THSD4: variants seen among roughly 807,000 people sequenced by gnomAD.
THSD4 encodes thrombospondin type-1 domain-containing protein 4.
In THSD4, 69 loss-of-function variants were observed where a neutral mutation model predicts 119.0. The observed-to-expected ratio is 0.58, with a 90% CI of 0.48 to 0.71. The LOEUF (loss-of-function observed/expected upper bound fraction) is 0.71, where lower values mean the gene tolerates loss of function less well. Ranked by LOEUF, THSD4 falls within the 30% of genes least tolerant of loss-of-function variation. The pLI, the probability that THSD4 is intolerant of heterozygous loss-of-function variation, is 0.00. For synonymous variants in THSD4, 524 were observed against 540.4 expected, an observed-to-expected ratio of 0.97 and a Z score of 0.42; for missense variants, 1,393 against 1,391.1, an observed-to-expected ratio of 1.00 and a Z score of -0.02.
chr15:71,449,466 G>A (rs1329288186), intron 7 of THSD4, among the ~76,000 whole-genome samples: 1 of 152,148 alleles, frequency 6.6e-6, no homozygotes, highest in Non-Finnish European at 1.5e-5. Context: ...TAACCTCTCT[G>A]CGCCTCAGAA....
chr15:71,281,368 G>A (rs1008300689), intron 6 of THSD4, among the ~76,000 whole-genome samples: 1 of 152,212 alleles, frequency 6.6e-6, no homozygotes, highest in African/African-American at 2.4e-5. Context: ...GTAGTGTGAG[G>A]CTATGCACAG....
rs1413471394 is a variant in THSD4 at position 71,150,956 on chromosome 15, T to C, written c.30-3907T>C. The stretch of plus-strand genomic sequence containing the variant: ...CTGTGCTAGGTGCTGGGGAATAAAG[T>C]AGTGACAAAACAAACTCCCTGATCT... On this transcript the variant is annotated intron_variant, in intron 2 of 17. Coordinates refer to ENST00000261862, the MANE Select transcript of THSD4 (RefSeq NM_024817.3). Among the ~76,000 whole-genome samples the C allele has an allele frequency of 3.3e-5, 5 of 152,060 alleles. No individual in the cohort carries two copies. The East Asian group carries it at 9.6e-4, about 29-fold the overall frequency.
intron 4 of THSD4, among the ~76,000 whole-genome samples, chr15:71,223,021 T>G (rs1458186061): frequency 1.3e-5 from 2 of 152,134 alleles, no homozygotes; most frequent in Non-Finnish European, 2.9e-5. Context: ...GTTGGATAAC[T>G]CACACCACAT....
At chr15:71,258,883 G>C (rs929096636) in intron 6 of THSD4, among the ~76,000 whole-genome samples, 1 of 152,184 alleles carries the variant, frequency 6.6e-6, no homozygotes, top group Admixed American at 6.5e-5. Context: ...GGAGGCCAAG[G>C]CAGGTGGATC....
intron 7 of THSD4, among the ~76,000 whole-genome samples, chr15:71,424,064 T>C (rs1423162947): frequency 6.6e-6 from 1 of 152,182 alleles, no homozygotes; most frequent in Non-Finnish European, 1.5e-5. Context: ...AGAGGATTGG[T>C]GTCAGTGATT....
upstream of THSD4, chr15:71,112,349 A>G (rs1300029558): frequency 5.9e-6 from 6 of 1,018,856 alleles, no homozygotes; most frequent in African/African-American, 8.2e-5. Context: ...TAATTATAAT[A>G]GGACAACAGG....
At chr15:71,315,829 A>C (rs1233661469) in intron 6 of THSD4, among the ~76,000 whole-genome samples, 3 of 152,244 alleles carry the variant, frequency 2.0e-5, no homozygotes, top group Non-Finnish European at 4.4e-5. Flanking sequence ...AAATAGGAGC[A>C]CAAGGAATAA....
At chr15:71,641,896 G>A (rs2050865949) in intron 7 of THSD4, among the ~76,000 whole-genome samples, 1 of 152,044 alleles carries the variant, frequency 6.6e-6, no homozygotes, top group African/African-American at 2.4e-5. Flanking sequence ...GCTAGAAACC[G>A]AGGGTTCTCC....
intron 1 of THSD4, among the ~76,000 whole-genome samples, chr15:71,104,550 C>A (rs768231525): frequency 4.6e-5 from 7 of 152,124 alleles, no homozygotes; most frequent in Non-Finnish European, 7.3e-5. Flanking sequence ...TTCTTCTGAG[C>A]CAATATGAGT....
At chr15:71,642,532 A>G (rs2050880041) in intron 7 of THSD4, among the ~76,000 whole-genome samples, 1 of 152,204 alleles carries the variant, frequency 6.6e-6, no homozygotes, top group African/African-American at 2.4e-5. Flanking sequence ...TCACAATAGC[A>G]AAGACTTGGA....
chr15:71,415,289 C>T (rs1217057305), intron 7 of THSD4, among the ~76,000 whole-genome samples: 5 of 152,222 alleles, frequency 3.3e-5, no homozygotes, highest in Admixed American at 2.6e-4. Flanking sequence ...AAGTAAAGGC[C>T]GCAGGCCCAC....
intron 7 of THSD4, among the ~76,000 whole-genome samples, chr15:71,615,089 A>G (rs2050298408): frequency 6.6e-6 from 1 of 152,198 alleles, no homozygotes; most frequent in African/African-American, 2.4e-5. Context: ...AGATTACACT[A>G]CTTTCTATGT....
chr15:71,272,002 CCA>C (rs2044536247), intron 6 of THSD4, among the ~76,000 whole-genome samples: 1 of 152,070 alleles, frequency 6.6e-6, no homozygotes, highest in Admixed American at 6.5e-5. Context: ...AAAAGACAAC[CCA>C]CAGATTGGGA....
intron 14 of THSD4, among the ~76,000 whole-genome samples, chr15:71,753,098 AAATT>A (rs2053478705): frequency 6.6e-6 from 1 of 152,170 alleles, no homozygotes; most frequent in Admixed American, 6.6e-5. Flanking sequence ...GCCCAATTTA[AAATT>A]AATTAATCTT....
intron 7 of THSD4, among the ~76,000 whole-genome samples, chr15:71,614,328 C>T (rs746818617): frequency 1.3e-5 from 2 of 152,200 alleles, no homozygotes; most frequent in Non-Finnish European, 2.9e-5. Flanking sequence ...ATTACCAAAA[C>T]CAATTGTCAT....
At position 71,660,744 on chromosome 15, in the gene THSD4, G is replaced by A; in HGVS notation, c.1357+10G>A. 6.2e-7 allele frequency: 1 copy of A among 1,613,990 alleles called. No homozygotes were observed. The highest frequency in any genetic ancestry group is 1.3e-5 in the African/African-American group (1 of 74,994). ...AGCAACAACTATTTGGGTAAGCTTG[G>A]TCTTTTTCCAGAGAAAACCGTCTGT... On this transcript the variant is annotated intron_variant, in intron 8 of 17. Transcript: ENST00000261862.
intron 17 of THSD4, among the ~76,000 whole-genome samples, chr15:71,771,531 AGTGTAGGCT>A (rs1450566665): frequency 1.3e-5 from 2 of 152,188 alleles, no homozygotes; most frequent in Non-Finnish European, 1.5e-5. Flanking sequence ...GGTGCAAACC[AGTGTAGGCT>A]GGACCATGTG....
At chr15:71,722,162 C>T (rs1483243351) in intron 8 of THSD4, among the ~76,000 whole-genome samples, 2 of 152,130 alleles carry the variant, frequency 1.3e-5, no homozygotes, top group African/African-American at 4.8e-5. Flanking sequence ...CCATTCCTAG[C>T]CCTGGAACTG....
intron 6 of THSD4, among the ~76,000 whole-genome samples, chr15:71,340,329 T>C (rs2140387265): frequency 6.6e-6 from 1 of 152,254 alleles, no homozygotes; most frequent in South Asian, 2.1e-4. Context: ...TTGCTGAAGG[T>C]CACTTTAAAG....
Sources: gnomAD v4.1 joint callset for allele counts (sites outside exome capture counted in the v4.1 genomes callset) on GRCh38, gnomAD v4.1.1 for gene constraint, MANE v1.5 for transcripts, NCBI Gene and HGNC (gene_info 2026-07-23, HGNC 2026-07-21) for gene names.